The following FOXK1 variants were observed in gnomAD, a reference collection of about 807,000 sequenced individuals.
The protein encoded by FOXK1 is forkhead box protein K1.
Under a neutral mutation model 51.9 loss-of-function variants are expected in FOXK1, and 19 were observed. The ratio of observed to expected loss-of-function variants is 0.37; its 90% CI spans 0.26 to 0.54. FOXK1 has a LOEUF of 0.54. Ranked by LOEUF, FOXK1 falls within the 20% of genes least tolerant of loss-of-function variation. The pLI is 0.87. For missense variants in FOXK1, 870 were observed against 1,032.7 expected, an observed-to-expected ratio of 0.84 and a Z score of 2.16; for synonymous variants, 537 against 482.6, an observed-to-expected ratio of 1.11 and a Z score of -1.48.
In FOXK1 at chr7:4,740,889, C is replaced by G; in HGVS notation, c.612C>G (p.Leu204=). Residue 204 remains leucine, a synonymous_variant, in exon 2 of 9, where the codon CTC becomes CTG. Transcript: ENST00000328914. ...CCATCAAGATCCAGTTCACGTCGCT[C>G]TATCACAAAGAAGAGGCCCCAGCCT... is the stretch of plus-strand genomic sequence containing the variant. The part of the protein sequence containing the change: ...STAIKIQFTS[L]YHKEEAPASP... 6.3e-7 allele frequency: 1 copy of G among 1,594,980 alleles called. No homozygotes were observed. The highest frequency in any genetic ancestry group is 1.1e-5 in the South Asian group (1 of 88,050).
chr7:4,698,302 G>C (rs28663048), intron 1 of FOXK1, among the ~76,000 whole-genome samples: 49 of 146,138 alleles, frequency 3.4e-4, no homozygotes, highest in African/African-American at 1.3e-3. Flanking sequence ...TTTTATATAT[G>C]TATGTGTGTG....
chr7:4,738,545 A>G (rs549511819), intron 1 of FOXK1, among the ~76,000 whole-genome samples: 16 of 152,306 alleles, frequency 1.1e-4, no homozygotes, highest in African/African-American at 3.8e-4. Context: ...AGGACATCAG[A>G]CGTTCCTCTC....
At chr7:4,744,912 A>G (rs1780682097) in intron 2 of FOXK1, among the ~76,000 whole-genome samples, 1 of 152,252 alleles carries the variant, frequency 6.6e-6, no homozygotes, top group African/African-American at 2.4e-5. Flanking sequence ...CATTGTTACA[A>G]TAAAAGCCTC....
In FOXK1 at chr7:4,729,490, C is replaced by T. The variant is rs566109209; in HGVS notation, c.561-11348C>T. Reference sequence around the variant, plus strand: ...GAAGGAGCTGTGAACACCGAGGGTGCCGTCCTCGCCTGTGCTGCCATGGGG... The same window carrying T: ...GAAGGAGCTGTGAACACCGAGGGTGTCGTCCTCGCCTGTGCTGCCATGGGG... On this transcript the variant is annotated intron_variant, in intron 1 of 8. Coordinates refer to ENST00000328914, the MANE Select transcript of FOXK1 (RefSeq NM_001037165.2). The surrounding 1 kb of genome is among the most constrained non-coding windows in gnomAD (Gnocchi z 6.2). Among the ~76,000 whole-genome samples the T allele has an allele frequency of 5.6e-4, 86 of 152,276 alleles. No homozygotes were observed. The highest frequency in any genetic ancestry group is 1.0e-3 in the Admixed American group (16 of 15,286).
At chr7:4,714,517 C>T (rs954522991) in intron 1 of FOXK1, among the ~76,000 whole-genome samples, 4 of 152,212 alleles carry the variant, frequency 2.6e-5, no homozygotes, top group East Asian at 1.9e-4. Flanking sequence ...TCAAGCTATC[C>T]GCCCACCTCC....
At chr7:4,717,418 G>A (rs1032639137) in intron 1 of FOXK1, among the ~76,000 whole-genome samples, 3 of 147,018 alleles carry the variant, frequency 2.0e-5, no homozygotes, top group South Asian at 4.4e-4. Context: ...GTGTGTGGAT[G>A]GAAGGTGGTG....
At position 4,770,897 on chromosome 7, in the gene FOXK1, GTGTGTATT is replaced by G. The variant is rs1781090538; in HGVS notation, c.*8435_*8442del. 6.7e-6 allele frequency: 1 copy of G among 148,576 alleles called. No homozygotes were observed. The highest frequency in any genetic ancestry group is 1.5e-5 in the Non-Finnish European group (1 of 67,690). The allele number at this position is 148,576 out of a possible 1,614,324, so 9.2% of individuals were successfully genotyped here. A position where few individuals can be genotyped will look rare whatever the true frequency, so the allele number is the denominator to read the frequency against. On this transcript the variant is annotated 3_prime_UTR_variant, in exon 9 of 9. Coordinates refer to ENST00000328914, the MANE Select transcript of FOXK1 (RefSeq NM_001037165.2). ...TGTGTGTGTGTGTGTGTGTGTGTGT[GTGTGTATT>G]TTTTTTTTTACAGTGGCGCCTGTCT... is the stretch of plus-strand genomic sequence containing the variant.
intron 2 of FOXK1, among the ~76,000 whole-genome samples, chr7:4,741,817 T>G (rs1415250379): frequency 6.6e-6 from 1 of 152,196 alleles, no homozygotes; most frequent in Non-Finnish European, 1.5e-5. Flanking sequence ...AGGTGAAAAG[T>G]ATAAACAGAG....
At chr7:4,686,289 G>A (rs60725624) in intron 1 of FOXK1, among the ~76,000 whole-genome samples, 8,837 of 152,190 alleles carry the variant, frequency 0.058, 856 homozygotes, top group African/African-American at 0.2. Flanking sequence ...TGTGTTGTCC[G>A]GGGCCACCCT....
At chr7:4,690,669 A>AG (rs1275717488) in intron 1 of FOXK1, among the ~76,000 whole-genome samples, 3 of 152,242 alleles carry the variant, frequency 2.0e-5, no homozygotes, top group Non-Finnish European at 4.4e-5. Flanking sequence ...ATACTGATGG[A>AG]GAAAAAGGGT....
intron 1 of FOXK1, among the ~76,000 whole-genome samples, chr7:4,736,312 A>AG (rs1780551630): frequency 6.6e-6 from 1 of 152,142 alleles, no homozygotes; most frequent in Admixed American, 6.6e-5. Flanking sequence ...ATTGTCATCT[A>AG]TAGATGGCAT....
chr7:4,690,779 G>A (rs1000938127), intron 1 of FOXK1, among the ~76,000 whole-genome samples: 1 of 152,192 alleles, frequency 6.6e-6, no homozygotes, highest in Non-Finnish European at 1.5e-5. Context: ...TGAGACTAAA[G>A]CATTTGATTT....
Position 4,703,093 on chromosome 7 carries a change from C to T in FOXK1, c.560+20225C>T, listed in dbSNP as rs528520231. On this transcript the variant is annotated intron_variant, in intron 1 of 8. Coordinates refer to ENST00000328914, the MANE Select transcript of FOXK1 (RefSeq NM_001037165.2). The surrounding 1 kb of genome is among the most constrained non-coding windows in gnomAD (Gnocchi z 5.6). ...TTGCTTGCACTGCTGGGTGAGAGTG[C>T]CTCTGTGTCGGGGGCTGGGCTGGGC... Among the ~76,000 whole-genome samples the T allele has an allele frequency of 6.6e-6, 1 of 152,124 alleles. No individual in the cohort carries two copies. The highest frequency in any genetic ancestry group is 1.5e-5 in the Non-Finnish European group (1 of 68,030).
intron 1 of FOXK1, among the ~76,000 whole-genome samples, chr7:4,702,340 TTTTA>T (rs1287742881): frequency 2.6e-5 from 4 of 151,976 alleles, no homozygotes; most frequent in Non-Finnish European, 5.9e-5. Flanking sequence ...TGTGGGGTTT[TTTTA>T]TTTATTTATT....
At position 4,762,481 on chromosome 7, in the gene FOXK1, G is replaced by C. The variant is rs542439662; in HGVS notation, c.*17G>C. The C allele has an allele frequency of 2.0e-6, 3 of 1,536,154 alleles. No individual in the cohort carries two copies. Among genetic ancestry groups the C allele is most frequent in the East Asian group, 2.5e-5 (1 of 40,532 alleles). The stretch of plus-strand genomic sequence containing the variant: ...GGGGAGTGAGGTCACCTGCAACGCG[G>C]GGGAGTGGGACTCACCCAGCGGCGA... On this transcript the variant is annotated 3_prime_UTR_variant, in exon 9 of 9. Transcript: ENST00000328914. The surrounding 1 kb of genome is among the most constrained non-coding windows in gnomAD (Gnocchi z 5.7).
intron 1 of FOXK1, among the ~76,000 whole-genome samples, chr7:4,712,825 C>G (rs1179951873): frequency 6.6e-6 from 1 of 152,164 alleles, no homozygotes; most frequent in Non-Finnish European, 1.5e-5. Flanking sequence ...TTTATTGACA[C>G]ACAGCGGCGT....
rs1224028086 is a variant in FOXK1 at position 4,682,331 on chromosome 7, G to A, written c.23G>A (p.Ser8Asn). 3.0e-6 allele frequency: 3 copies of A among 993,800 alleles called. No individual in the cohort carries two copies. Among genetic ancestry groups the A allele is most frequent in the Non-Finnish European group, 3.6e-6 (3 of 837,730 alleles). The allele number at this position is 993,800 out of a possible 1,614,324, so 61.6% of individuals were successfully genotyped here. A position where few individuals can be genotyped will look rare whatever the true frequency, so the allele number is the denominator to read the frequency against. Residue 8 changes from serine to asparagine, a missense_variant, in exon 1 of 9, where the codon AGC (serine) becomes AAC (asparagine). Transcript: ENST00000328914. The surrounding 1 kb of genome is among the most constrained non-coding windows in gnomAD (Gnocchi z 7.6). Reference protein sequence around the residue: MAEVGEDSGARALLALRS... With the variant: MAEVGEDNGARALLALRS... ...AACATGGCCGAAGTCGGCGAGGACAGCGGCGCCCGCGCCCTGCTCGCGCTG... is the reference window on the plus strand; with the variant it reads ...AACATGGCCGAAGTCGGCGAGGACAACGGCGCCCGCGCCCTGCTCGCGCTG...
chr7:4,712,067 T>A (rs76097054), intron 1 of FOXK1, among the ~76,000 whole-genome samples: 1 of 151,858 alleles, frequency 6.6e-6, no homozygotes, highest in African/African-American at 2.4e-5. Flanking sequence ...TTTTTTTTTT[T>A]ATCAGTCTCT....
intron 1 of FOXK1, among the ~76,000 whole-genome samples, chr7:4,716,505 C>T (rs530834970): frequency 2.0e-5 from 3 of 151,824 alleles, no homozygotes; most frequent in Non-Finnish European, 4.4e-5. Flanking sequence ...GGCCCTGTGT[C>T]CCAAAAAAAA....
Sources: allele counts gnomAD v4.1 joint callset (sites outside exome capture counted in the v4.1 genomes callset), GRCh38; gene constraint gnomAD v4.1.1; non-coding constraint Gnocchi (gnomAD v3.1); transcripts MANE v1.5; gene names NCBI Gene and HGNC (gene_info 2026-07-23, HGNC 2026-07-21).